The following GREB1L variants were observed in gnomAD, a reference collection of about 807,000 sequenced individuals.
GREB1L encodes the protein GREB1 like retinoic acid receptor coactivator.
A neutral mutation model predicts 200.8 loss-of-function variants in GREB1L; 17 were observed. That is an observed-to-expected ratio of 0.08 (90% CI 0.06 to 0.13). The LOEUF (loss-of-function observed/expected upper bound fraction) is 0.13, where lower values mean the gene tolerates loss of function less well. Ranked by LOEUF, GREB1L falls within the 10% of genes least tolerant of loss-of-function variation. The probability of loss-of-function intolerance (pLI) is 1.00; values close to 1 mark genes in which losing one functional copy is unlikely to be tolerated. For missense variants in GREB1L, 1,657 were observed against 2,367.7 expected (o/e 0.70, Z 6.23); for synonymous variants, 789 against 893.0 (o/e 0.88, Z 2.08).
chr18:21,314,783 G>A (rs2038842622), intron 1 of GREB1L, among the ~76,000 whole-genome samples: 1 of 152,170 alleles, frequency 6.6e-6, no homozygotes, highest in Admixed American at 6.5e-5. Context: ...AAATGAATGA[G>A]CATGGCTGTG....
At chr18:21,338,527 C>A (rs1401340865) in intron 1 of GREB1L, among the ~76,000 whole-genome samples, 1 of 152,212 alleles carries the variant, frequency 6.6e-6, no homozygotes, top group Admixed American at 6.5e-5. Context: ...CACTTTCTAC[C>A]ACCACCATCA....
chr18:21,477,558 G>A (rs1356667785), intron 17 of GREB1L, among the ~76,000 whole-genome samples: 4 of 152,226 alleles, frequency 2.6e-5, no homozygotes, highest in African/African-American at 7.2e-5. Context: ...AGGCCGAGGC[G>A]GGTGGATCAC....
At chr18:21,446,532 T>G (rs2034230466) in intron 11 of GREB1L, among the ~76,000 whole-genome samples, 1 of 152,248 alleles carries the variant, frequency 6.6e-6, no homozygotes, top group South Asian at 2.1e-4. Context: ...TGAATTTGAC[T>G]TGCAGTCAAT....
intron 32 of GREB1L, among the ~76,000 whole-genome samples, chr18:21,521,535 T>C (rs2037598292): frequency 6.6e-6 from 1 of 152,078 alleles, no homozygotes. Context: ...CATTCATTCA[T>C]TCACTTATTT....
chr18:21,306,573 A>C (rs2038704166), intron 1 of GREB1L, among the ~76,000 whole-genome samples: 1 of 152,250 alleles, frequency 6.6e-6, no homozygotes, highest in African/African-American at 2.4e-5. Context: ...AATCGTGGTA[A>C]GTACTCATTA....
rs553190956 is a variant in GREB1L at position 21,448,397 on chromosome 18, A to G, written c.1394-1113A>G. On this transcript the variant is annotated intron_variant, in intron 11 of 32. Coordinates refer to ENST00000424526, the MANE Select transcript of GREB1L (RefSeq NM_001142966.3). The stretch of plus-strand genomic sequence containing the variant: ...TTTTCCATATCTGAAGAGCATTACT[A>G]AACACCTCATTTTCTTACTTTCCCA... 2.0e-5 allele frequency among the ~76,000 whole-genome samples: 3 copies of G among 152,266 alleles called. No individual in the cohort carries two copies. In the South Asian group the frequency reaches 6.2e-4, roughly 32 times the overall value.
At chr18:21,273,143 G>A (rs1185112392) in intron 1 of GREB1L, among the ~76,000 whole-genome samples, 2 of 152,162 alleles carry the variant, frequency 1.3e-5, no homozygotes, top group Non-Finnish European at 2.9e-5. Context: ...AGGGAGAATC[G>A]CTTGAACCCG....
intron 32 of GREB1L, among the ~76,000 whole-genome samples, chr18:21,521,475 A>G (rs560591402): frequency 6.6e-6 from 1 of 152,230 alleles, no homozygotes; most frequent in East Asian, 1.9e-4. Flanking sequence ...AGTGAGGTTC[A>G]GAACGCTGTG....
chr18:21,344,781 A>G (rs764741954), intron 1 of GREB1L, among the ~76,000 whole-genome samples: 4 of 152,182 alleles, frequency 2.6e-5, no homozygotes, highest in African/African-American at 7.2e-5. Context: ...AGTCTTAAAT[A>G]AGACTGTAAG....
intron 1 of GREB1L, among the ~76,000 whole-genome samples, chr18:21,286,837 G>A (rs895768854): frequency 4.6e-5 from 7 of 152,100 alleles, no homozygotes; most frequent in African/African-American, 1.7e-4. Context: ...TTTAGAGATA[G>A]GGTCTCACCA....
intron 1 of GREB1L, among the ~76,000 whole-genome samples, chr18:21,304,128 A>G (rs1021712952): frequency 2.0e-5 from 3 of 152,160 alleles, no homozygotes; most frequent in African/African-American, 4.8e-5. Flanking sequence ...GGTGTGACCT[A>G]TGTGTCAGGC....
intron 7 of GREB1L, among the ~76,000 whole-genome samples, chr18:21,427,519 CA>C (rs2032713068): frequency 6.6e-6 from 1 of 151,924 alleles, no homozygotes; most frequent in Non-Finnish European, 1.5e-5. Context: ...AAACAAAAAA[CA>C]AAAAAACCAA....
At chr18:21,358,692 G>A (rs2039541126) in intron 1 of GREB1L, among the ~76,000 whole-genome samples, 1 of 152,216 alleles carries the variant, frequency 6.6e-6, no homozygotes, top group Non-Finnish European at 1.5e-5. Context: ...TGGGGGAAAG[G>A]TTGGGAGTGG....
chr18:21,347,363 C>T (rs2039363110), intron 1 of GREB1L, among the ~76,000 whole-genome samples: 1 of 152,088 alleles, frequency 6.6e-6, no homozygotes, highest in African/African-American at 2.4e-5. Context: ...TGTCTTGTCC[C>T]TCAGCTTTCA....
chr18:21,411,120 GA>G (rs1209901558), intron 7 of GREB1L, among the ~76,000 whole-genome samples: 7 of 151,854 alleles, frequency 4.6e-5, no homozygotes, highest in African/African-American at 1.7e-4. Flanking sequence ...TGGTAATGAG[GA>G]AAATTAAATT....
chr18:21,445,212 C>T lies in GREB1L; in HGVS notation c.1393+803C>T, dbSNP rs767485194. Among the ~76,000 whole-genome samples, 26 of 152,236 alleles carry T rather than the reference C, an allele frequency of 1.7e-4. 1 individual carries two copies. Among genetic ancestry groups the T allele is most frequent in the Non-Finnish European group, 2.8e-4 (19 of 68,052 alleles). On this transcript the variant is annotated intron_variant, in intron 11 of 32. Transcript: ENST00000424526. ...AGATGTGGCCGGGCACGGTGGCTCACGCCCGTGATCCCAACACTTTGGGAG... is the reference window on the plus strand; with the variant it reads ...AGATGTGGCCGGGCACGGTGGCTCATGCCCGTGATCCCAACACTTTGGGAG...
rs926468919 is a variant in GREB1L at position 21,500,311 on chromosome 18, G to A, written c.3969+5G>A. The A allele has an allele frequency of 1.4e-5, 16 of 1,163,364 alleles. No individual in the cohort carries two copies. Among genetic ancestry groups the A allele is most frequent in the Admixed American group, 1.0e-4 (5 of 49,824 alleles). The allele number at this position is 1,163,364 out of a possible 1,614,324, so 72.1% of individuals were successfully genotyped here. A position where few individuals can be genotyped will look rare whatever the true frequency, so the allele number is the denominator to read the frequency against. Reference sequence around the variant, plus strand: ...CTGCTGACAGGGCCCCCACAGGTAGGGCCAAGCCAGCCGGGGCCGTTTCTT... The same window carrying A: ...CTGCTGACAGGGCCCCCACAGGTAGAGCCAAGCCAGCCGGGGCCGTTTCTT... On this transcript the variant is annotated splice_donor_5th_base_variant and intron_variant, in intron 22 of 32. Transcript: ENST00000424526.
chr18:21,290,682 G>T (rs942841247), intron 1 of GREB1L, among the ~76,000 whole-genome samples: 2 of 152,138 alleles, frequency 1.3e-5, no homozygotes, highest in African/African-American at 4.8e-5. Context: ...AAGTTGACTG[G>T]GTGTGGTGGC....
intron 7 of GREB1L, among the ~76,000 whole-genome samples, chr18:21,410,583 A>G (rs770373522): frequency 2.6e-5 from 4 of 152,030 alleles, no homozygotes; most frequent in Non-Finnish European, 4.4e-5. Context: ...TGAACCCAGA[A>G]GGCAGAGGTT....
Sources: allele counts gnomAD v4.1 joint callset (sites outside exome capture counted in the v4.1 genomes callset), GRCh38; gene constraint gnomAD v4.1.1; transcripts MANE v1.5; gene names NCBI Gene and HGNC (gene_info 2026-07-23, HGNC 2026-07-21).